PLPP4: variants seen among roughly 807,000 people sequenced by gnomAD.
The protein encoded by PLPP4 is diacylglycerol pyrophosphate like 2.
In PLPP4, 20 loss-of-function variants were observed where a neutral mutation model predicts 32.2. The observed-to-expected ratio is 0.62, with a 90% confidence interval of 0.44 to 0.90. The LOEUF (loss-of-function observed/expected upper bound fraction) is 0.90. Ranked by LOEUF, PLPP4 falls within the 40% of genes least tolerant of loss-of-function variation. The probability of loss-of-function intolerance (pLI) is 0.00; values close to 1 mark genes in which losing one functional copy is unlikely to be tolerated. For synonymous variants in PLPP4, 127 were observed against 133.0 expected (o/e 0.95, Z 0.31); for missense variants, 257 against 353.1 (o/e 0.73, Z 2.18).
chr10:120,546,780 T>G (rs10510073), intron 5 of PLPP4, among the ~76,000 whole-genome samples: 7,998 of 152,308 alleles, frequency 0.053, 293 homozygotes, highest in Middle Eastern at 0.14. Flanking sequence ...AAACCTTTGA[T>G]TATCAAGATC....
At chr10:120,583,985 T>A (rs1235007011) in intron 6 of PLPP4, among the ~76,000 whole-genome samples, 1 of 152,194 alleles carries the variant, frequency 6.6e-6, no homozygotes, top group East Asian at 1.9e-4. Context: ...CAAAGGGACA[T>A]GGAAAACATT....
intron 1 of PLPP4, among the ~76,000 whole-genome samples, chr10:120,482,211 G>A (rs547549032): frequency 5.9e-5 from 9 of 152,326 alleles, no homozygotes; most frequent in Non-Finnish European, 2.9e-5. Flanking sequence ...GCAGAGGTTG[G>A]AACAGTTTGG....
chr10:120,489,517 G>A (rs1254131149), intron 1 of PLPP4, among the ~76,000 whole-genome samples: 8 of 152,208 alleles, frequency 5.3e-5, no homozygotes, highest in African/African-American at 1.9e-4. Flanking sequence ...ACTGCGGTAG[G>A]AGTGGGCCAC....
At chr10:120,478,880 C>T (rs956038722) in intron 1 of PLPP4, among the ~76,000 whole-genome samples, 2 of 152,196 alleles carry the variant, frequency 1.3e-5, no homozygotes, top group Non-Finnish European at 2.9e-5. Context: ...ACATTCATTG[C>T]TGTGCATACC....
intron 5 of PLPP4, among the ~76,000 whole-genome samples, chr10:120,528,229 CAT>C (rs1846516733): frequency 6.6e-6 from 1 of 152,106 alleles, no homozygotes; most frequent in East Asian, 1.9e-4. Context: ...CGCCTGCCAC[CAT>C]GCTCGGCTAA....
At chr10:120,494,620 T>C (rs573156208) in intron 1 of PLPP4, among the ~76,000 whole-genome samples, 1 of 152,316 alleles carries the variant, frequency 6.6e-6, no homozygotes, top group Admixed American at 6.5e-5. Context: ...CTGTTCCTGG[T>C]CCAGTCCTGG....
At chr10:120,535,553 C>T (rs1276603517) in intron 5 of PLPP4, among the ~76,000 whole-genome samples, 1 of 151,956 alleles carries the variant, frequency 6.6e-6, no homozygotes, top group Non-Finnish European at 1.5e-5. Flanking sequence ...GTTTGATAGT[C>T]TTCAACTATG....
At chr10:120,478,460 A>G (rs188586550) in intron 1 of PLPP4, among the ~76,000 whole-genome samples, 4 of 152,320 alleles carry the variant, frequency 2.6e-5, no homozygotes, top group Non-Finnish European at 5.9e-5. Context: ...TTTTAAGTCA[A>G]CTATTTGGTA....
chr10:120,532,606 A>C (rs1009102511), intron 5 of PLPP4, among the ~76,000 whole-genome samples: 1 of 152,114 alleles, frequency 6.6e-6, no homozygotes, highest in Non-Finnish European at 1.5e-5. Flanking sequence ...ACCTGAATCC[A>C]TTAGCTCTCT....
intron 1 of PLPP4, among the ~76,000 whole-genome samples, chr10:120,482,088 G>A (rs1200582797): frequency 6.6e-6 from 1 of 152,154 alleles, no homozygotes; most frequent in Non-Finnish European, 1.5e-5. Flanking sequence ...TCTTGGGTTT[G>A]TCTTTGTCAG....
Position 120,575,180 on chromosome 10 carries a change from G to A in PLPP4, c.495G>A (p.Leu165=), listed in dbSNP as rs757867285. ...GFTTFYLAGK[L]HCFTESGRGK... is the part of the protein sequence containing the mutation. ...CGACGTTCTACTTGGCGGGCAAGCT[G>A]CACTGCTTCACCGAGAGTGGGCGGG... Residue 165 remains leucine (L), a synonymous_variant, in exon 6 of 7, where the codon CTG becomes CTA. Coordinates refer to ENST00000398250, the MANE Select transcript of PLPP4 (RefSeq NM_001030059.3). 3.7e-6 allele frequency: 6 copies of A among 1,613,970 alleles called. No individual in the cohort carries two copies. The highest frequency in any genetic ancestry group is 1.3e-5 in the African/African-American group (1 of 75,050).
intron 1 of PLPP4, among the ~76,000 whole-genome samples, chr10:120,484,356 G>T (rs1468783526): frequency 1.3e-5 from 2 of 152,130 alleles, no homozygotes; most frequent in African/African-American, 2.4e-5. Context: ...CCTGAAATTG[G>T]ATAATTCATA....
intron 5 of PLPP4, among the ~76,000 whole-genome samples, chr10:120,527,879 C>T (rs189222714): frequency 1.9e-4 from 29 of 152,094 alleles, no homozygotes; most frequent in Non-Finnish European, 3.5e-4. Context: ...TTAATGCCAT[C>T]GAGCATGAAT....
chr10:120,577,982 A>G (rs1849300426), intron 6 of PLPP4, among the ~76,000 whole-genome samples: 1 of 152,168 alleles, frequency 6.6e-6, no homozygotes, highest in Non-Finnish European at 1.5e-5. Flanking sequence ...AGGTGCTACT[A>G]CTGCCATCCA....
At chr10:120,480,519 G>T (rs957342553) in intron 1 of PLPP4, among the ~76,000 whole-genome samples, 3 of 152,174 alleles carry the variant, frequency 2.0e-5, no homozygotes, top group African/African-American at 4.8e-5. Flanking sequence ...TAAAAATCTT[G>T]ACAGAGAGGA....
At chr10:120,570,068 T>A (rs902340034) in intron 5 of PLPP4, among the ~76,000 whole-genome samples, 2 of 152,170 alleles carry the variant, frequency 1.3e-5, no homozygotes, top group African/African-American at 4.8e-5. Context: ...ACTACATCAT[T>A]GTGTTGTTCT....
At chr10:120,463,974 A>G (rs1026704461) in intron 1 of PLPP4, among the ~76,000 whole-genome samples, 1 of 152,044 alleles carries the variant, frequency 6.6e-6, no homozygotes, top group Non-Finnish European at 1.5e-5. Flanking sequence ...CATCGCAGCC[A>G]GCTATTTTAT....
intron 1 of PLPP4, among the ~76,000 whole-genome samples, chr10:120,479,524 C>G (rs1844103817): frequency 6.6e-6 from 1 of 151,978 alleles, no homozygotes; most frequent in Non-Finnish European, 1.5e-5. Context: ...TATTGGTGTC[C>G]CTGTTTATCA....
chr10:120,507,745 G>T (rs979469712), intron 2 of PLPP4, among the ~76,000 whole-genome samples: 1 of 152,176 alleles, frequency 6.6e-6, no homozygotes, highest in Non-Finnish European at 1.5e-5. Context: ...GTATCTATGC[G>T]TAAGGGCTAA....
Sources: allele counts gnomAD v4.1 joint callset (sites outside exome capture counted in the v4.1 genomes callset), GRCh38; gene constraint gnomAD v4.1.1; transcripts MANE v1.5; gene names NCBI Gene and HGNC (gene_info 2026-07-23, HGNC 2026-07-21).